The following QARS1 variants were observed in gnomAD, a reference collection of about 807,000 sequenced individuals.
QARS1 encodes glutamine--tRNA ligase.
Under a neutral mutation model 106.9 loss-of-function variants are expected in QARS1, and 79 were observed. The observed-to-expected ratio is 0.74, with a 90% confidence interval of 0.62 to 0.89. The LOEUF is 0.89. Ranked by LOEUF, QARS1 falls within the 40% of genes least tolerant of loss-of-function variation. QARS1 has a pLI of 0.00. For missense variants in QARS1, 966 were observed against 997.2 expected (o/e 0.97, Z 0.42); for synonymous variants, 395 against 367.7 (o/e 1.07, Z -0.85).
intron 9 of QARS1, 37 bp from the exon 10 acceptor site, chr3:49,101,478 T>C (rs775464183): frequency 8.2e-6 from 13 of 1,589,162 alleles, no homozygotes; most frequent in Non-Finnish European, 1.1e-5. Flanking sequence ...AAATAAAGTC[T>C]GAGCTCAGAT....
chr3:49,103,545 C>G, intron 4 of QARS1, 86 bp downstream of exon 4: 1 of 1,560,568 alleles, frequency 6.4e-7, no homozygotes, highest in South Asian at 1.1e-5. Flanking sequence ...CACTCCTGTT[C>G]CTTCCCCCAC....
chr3:49,096,286 C>T (rs1575397001), intron 23 of QARS1, among the ~76,000 whole-genome samples: 1 of 152,160 alleles, frequency 6.6e-6, no homozygotes, highest in Non-Finnish European at 1.5e-5. Context: ...TTATATGGAC[C>T]ATAACAACCA....
intron 23 of QARS1, chr3:49,097,372 C>A: frequency 6.6e-6 from 1 of 151,744 alleles, no homozygotes; most frequent in Non-Finnish European, 1.5e-5. Flanking sequence ...ACCATGTTGG[C>A]CAGGGTGGTC....
chr3:49,103,541 T>G, intron 4 of QARS1, 90 bp downstream of exon 4: 1 of 1,561,928 alleles, frequency 6.4e-7, no homozygotes, highest in Non-Finnish European at 8.8e-7. Flanking sequence ...AAGTCACTCC[T>G]GTTCCTTCCC....
chr3:49,103,996 T>C, intron 2 of QARS1, 24 bp from the exon 3 acceptor site: 3 of 1,586,294 alleles, frequency 1.9e-6, no homozygotes, highest in Non-Finnish European at 1.7e-6. Context: ...GCCCGTGAGT[T>C]TGTGGCATCT....
At chr3:49,097,385 G>A (rs13059023) in intron 23 of QARS1, 1 of 151,632 alleles carries the variant, frequency 6.6e-6, no homozygotes, top group Non-Finnish European at 1.5e-5. Context: ...GGGTGGTCTC[G>A]AACTCCTGAC....
At chr3:49,102,314 G>C (rs2042482092) in intron 6 of QARS1, 49 bp from the exon 7 acceptor site, 6 of 1,613,806 alleles carry the variant, frequency 3.7e-6, no homozygotes, top group South Asian at 1.1e-5. Context: ...ATTTTCTCTT[G>C]GATAGGGTCT....
In QARS1 at chr3:49,099,419, G is replaced by A; in HGVS notation, c.1539C>T (p.Asp513=). 1 of 1,614,202 alleles carries A rather than the reference G, an allele frequency of 6.2e-7. No individual in the cohort carries two copies. Among genetic ancestry groups the A allele is most frequent in the Non-Finnish European group, 8.5e-7 (1 of 1,180,038 alleles). Residue 513 remains aspartate, a synonymous_variant, in exon 17 of 24, where the codon GAC becomes GAT. Transcript: ENST00000306125. The part of the protein sequence containing the change: ...VATGAVRDWD[D]PRLFTLTALR... ...GGGCCGTGAGTGTAAAGAGCCGTGG[G>A]TCATCCCAGTCCCTGTGGATAAGAA...
At chr3:49,103,595 A>G (rs552614667) in intron 4 of QARS1, 36 bp downstream of exon 4, 2 of 1,604,082 alleles carry the variant, frequency 1.2e-6, no homozygotes, top group East Asian at 2.2e-5. Flanking sequence ...GCATGACCAG[A>G]GAGAACAATA....
chr3:49,101,240 C>T, intron 10 of QARS1, 115 bp downstream of exon 10: 1 of 796,602 alleles, frequency 1.3e-6, no homozygotes. Context: ...CTTTCCATGG[C>T]CTCTGCCCAC....
chr3:49,098,928 G>A lies in QARS1; in HGVS notation c.1820C>T (p.Pro607Leu), dbSNP rs1415189676. The A allele has an allele frequency of 1.2e-6, 2 of 1,614,124 alleles. No individual in the cohort carries two copies. Among genetic ancestry groups the A allele is most frequent in the South Asian group, 1.1e-5 (1 of 91,082 alleles). Residue 607 changes from proline (P) to leucine (L), a missense_variant, in exon 19 of 24, where the codon CCC becomes CTC. Pro to Leu is a moderately conservative substitution (Grantham distance 98). Transcript: ENST00000306125. Reference sequence around the variant, plus strand: ...CTCAATGAAGACAATGGGTGCAAAGGGAACCTGATGGAAGCCTTTGGTCTC... The same window carrying A: ...CTCAATGAAGACAATGGGTGCAAAGAGAACCTGATGGAAGCCTTTGGTCTC... ...ADETKGFHQV[P>L]FAPIVFIERT...
chr3:49,096,119 C>G, intron 23 of QARS1, 40 bp from the exon 24 acceptor site: 2 of 1,610,282 alleles, frequency 1.2e-6, no homozygotes, highest in Non-Finnish European at 1.7e-6. Flanking sequence ...CAACCCAGAA[C>G]AAGGCCAGGG....
In QARS1 at chr3:49,103,682, G is replaced by C. The variant is rs142831772; in HGVS notation, c.400C>G (p.Arg134Gly). The C allele has an allele frequency of 1.2e-6, 2 of 1,613,696 alleles. No homozygotes were observed. The highest frequency in any genetic ancestry group is 1.1e-5 in the South Asian group (1 of 91,026). ...EAVEAAINRH[R>G]PQLLVERYHF... ...TAACGTTCCACCAGGAGCTGGGGCC[G>C]GTGCCTGTTAATAGCAGCCTCCACC... Residue 134 changes from arginine (R) to glycine (G), a missense_variant, in exon 4 of 24, where the codon CGG (arginine) becomes GGG (glycine). Transcript: ENST00000306125.
In QARS1 at chr3:49,101,816, A is replaced by C; in HGVS notation, c.703+12T>G. The C allele has an allele frequency of 5.0e-6, 8 of 1,611,020 alleles. No individual in the cohort carries two copies. In the South Asian group the frequency reaches 7.7e-5, roughly 16 times the overall value. ...ATCCAGCCCTCCCCAGGGTTTTGAC[A>C]TGCCCACTAACCAGGCTTGTGGAAC... On this transcript the variant is annotated intron_variant, in intron 8 of 23. Transcript: ENST00000306125.
chr3:49,101,982 T>G (rs565919819), intron 7 of QARS1, 83 bp from the exon 8 acceptor site: 21 of 1,428,510 alleles, frequency 1.5e-5, no homozygotes, highest in Non-Finnish European at 2.0e-5. Flanking sequence ...AGTAGACCCC[T>G]ATTCCCTCAA....
At position 49,099,552 on chromosome 3, in the gene QARS1, G is replaced by A. The variant is rs768754604; in HGVS notation, c.1484C>T (p.Ser495Phe). The change falls in exon 16 of 24, where the codon TCT becomes TTT. Residue 495 changes from serine to phenylalanine, a missense_variant. Physicochemically the swap from Ser to Phe is radical, Grantham distance 155. Transcript: ENST00000306125. ...TACAAGCTGGAGGATCTTCCTCTTA[G>A]AGACAACAGCATAGTGCAGGTTGAG... Reference protein sequence around the residue: ...GRLNLHYAVVSKRKILQLVAT... With the variant: ...GRLNLHYAVVFKRKILQLVAT... 4 of 1,614,076 alleles carry A rather than the reference G, an allele frequency of 2.5e-6. No individual in the cohort carries two copies. Among genetic ancestry groups the A allele is most frequent in the Non-Finnish European group, 3.4e-6 (4 of 1,180,042 alleles).
At position 49,098,026 on chromosome 3, in the gene QARS1, T is replaced by C; in HGVS notation, c.2243A>G (p.Tyr748Cys). The C allele has an allele frequency of 1.2e-6, 2 of 1,614,060 alleles. No individual in the cohort carries two copies. Among genetic ancestry groups the C allele is most frequent in the Non-Finnish European group, 1.7e-6 (2 of 1,180,012 alleles). The change falls in exon 23 of 24, where the codon TAT becomes TGT. Residue 748 changes from tyrosine to cysteine, a missense_variant. Coordinates refer to ENST00000306125, the MANE Select transcript of QARS1 (RefSeq NM_005051.3). ...ATGGCTGTCTGGATCCACGGAGAAA[T>C]ATCCAAGACGCTCAAACTGGAACTT... ...FDKFQFERLGYFSVDPDSHQG... is the reference protein window; with the variant it reads ...FDKFQFERLGCFSVDPDSHQG...
In QARS1 at chr3:49,096,040, C is replaced by T. The variant is rs762570876; in HGVS notation, c.2317G>A (p.Gly773Arg). The part of the protein sequence containing the change: ...NRTVTLKEDP[G>R]KV ...TCAGTGCTTCCAGCTCACACCTTTC[C>T]TGGGTCTTCCTTCAGTGTGACAGTT... The change falls in exon 24 of 24, where the codon GGA becomes AGA. Residue 773 changes from glycine (G) to arginine (R), a missense_variant. Gly to Arg is a moderately radical substitution (Grantham distance 125). Transcript: ENST00000306125. 5 of 1,613,806 alleles carry T rather than the reference C, an allele frequency of 3.1e-6. No individual in the cohort carries two copies. Among genetic ancestry groups the T allele is most frequent in the Admixed American group, 3.3e-5 (2 of 59,966 alleles).
chr3:49,097,843 C>T (rs900019771), intron 23 of QARS1, 149 bp downstream of exon 23: 3 of 1,170,090 alleles, frequency 2.6e-6, no homozygotes, highest in African/African-American at 1.5e-5. Flanking sequence ...GAGTTATCCT[C>T]AGTGCCAGTT....
Sources: gnomAD v4.1 joint callset for allele counts (sites outside exome capture counted in the v4.1 genomes callset) on GRCh38, gnomAD v4.1.1 for gene constraint, MANE v1.5 for transcripts, NCBI Gene and HGNC (gene_info 2026-07-23, HGNC 2026-07-21) for gene names.